FANCI: variants seen among roughly 807,000 people sequenced by gnomAD.
The protein encoded by FANCI is FA complementation group I.
Under a neutral mutation model 176.1 loss-of-function variants are expected in FANCI, and 156 were observed. The ratio of observed to expected loss-of-function variants is 0.89; its 90% CI spans 0.78 to 1.01. FANCI has a LOEUF of 1.01. FANCI is among the 50% of genes least tolerant of loss of function. The pLI, the probability that FANCI is intolerant of heterozygous loss-of-function variation, is 0.00. For missense variants in FANCI, 1,678 were observed against 1,534.1 expected (o/e 1.09, Z -1.57); for synonymous variants, 613 against 541.7 (o/e 1.13, Z -1.83).
chr15:89,256,156 C>G (rs1327629445), intron 2 of FANCI, among the ~76,000 whole-genome samples: 1 of 152,196 alleles, frequency 6.6e-6, no homozygotes, highest in Non-Finnish European at 1.5e-5. Flanking sequence ...TGGCAGTGCT[C>G]ACGTTTTGGC....
intron 24 of FANCI, among the ~76,000 whole-genome samples, chr15:89,295,729 G>A (rs2054235309): frequency 7.6e-6 from 1 of 131,082 alleles, no homozygotes; most frequent in East Asian, 2.1e-4. Flanking sequence ...GCCTTCCCCT[G>A]GCGCCCCCCC....
intron 2 of FANCI, among the ~76,000 whole-genome samples, chr15:89,253,170 T>A (rs2052337001): frequency 6.6e-6 from 1 of 152,090 alleles, no homozygotes; most frequent in Non-Finnish European, 1.5e-5. Context: ...TAGACCCAAC[T>A]ACAAGTAAAA....
chr15:89,247,157 C>G (rs1468191512), intron 1 of FANCI, among the ~76,000 whole-genome samples: 1 of 151,502 alleles, frequency 6.6e-6, no homozygotes, highest in East Asian at 1.9e-4. Context: ...TGCAGCCTCA[C>G]ACTCTTGGGC....
At chr15:89,280,518 C>T (rs2053574928) in intron 14 of FANCI, among the ~76,000 whole-genome samples, 1 of 152,076 alleles carries the variant, frequency 6.6e-6, no homozygotes, top group Non-Finnish European at 1.5e-5. Flanking sequence ...ATATGTAGGC[C>T]TTTCTGGTGC....
At chr15:89,317,257 G>C, downstream of FANCI, 1 of 847,928 alleles carries the variant, frequency 1.2e-6, no homozygotes, top group Non-Finnish European at 2.0e-6. Context: ...AATTAGCCTA[G>C]AATATAGCCT....
intron 9 of FANCI, among the ~76,000 whole-genome samples, chr15:89,266,135 T>G (rs1384781893): frequency 1.3e-5 from 2 of 150,622 alleles, no homozygotes; most frequent in African/African-American, 4.9e-5. Flanking sequence ...TAGCTGGGAC[T>G]ATAGGCACGT....
At chr15:89,260,099 C>T (rs1182896364) in intron 3 of FANCI, among the ~76,000 whole-genome samples, 1 of 152,094 alleles carries the variant, frequency 6.6e-6, no homozygotes, top group Non-Finnish European at 1.5e-5. Flanking sequence ...TTTTTCACAT[C>T]CTCATCAACA....
chr15:89,307,694 C>G, intron 34 of FANCI, 22 bp downstream of exon 34: 3 of 1,614,098 alleles, frequency 1.9e-6, no homozygotes, highest in Non-Finnish European at 2.5e-6. Flanking sequence ...AGAGGCAGTA[C>G]CCAATAGGTC....
intron 14 of FANCI, among the ~76,000 whole-genome samples, chr15:89,280,208 G>A (rs2053564060): frequency 6.6e-6 from 1 of 152,132 alleles, no homozygotes; most frequent in African/African-American, 2.4e-5. Flanking sequence ...TTTTAGTAGG[G>A]ATGGTGTTTC....
chr15:89,269,323 CAAT>C (rs1310711770), intron 10 of FANCI, among the ~76,000 whole-genome samples: 1 of 152,080 alleles, frequency 6.6e-6, no homozygotes, highest in Non-Finnish European at 1.5e-5. Flanking sequence ...AGAAAATTAA[CAAT>C]AATTCCATAA....
Position 89,247,635 on chromosome 15 carries a change from G to A in FANCI, c.-13G>A. ...TGACGTTTTTCCCTTGTAGTTCTGT[G>A]ATATGAGCAACAATGGACCAGAAGA... On this transcript the variant is annotated 5_prime_UTR_variant, in exon 2 of 38. Transcript: ENST00000310775. The A allele has an allele frequency of 1.2e-6, 2 of 1,611,802 alleles. No individual in the cohort carries two copies. Among genetic ancestry groups the A allele is most frequent in the Non-Finnish European group, 1.7e-6 (2 of 1,177,960 alleles).
intron 34 of FANCI, among the ~76,000 whole-genome samples, chr15:89,311,054 G>A (rs540314274): frequency 9.2e-5 from 14 of 152,004 alleles, no homozygotes; most frequent in African/African-American, 2.4e-4. Flanking sequence ...TCAGGAGTTC[G>A]AAACTAGCCC....
intron 18 of FANCI, among the ~76,000 whole-genome samples, chr15:89,287,994 A>G (rs980883209): frequency 3.3e-5 from 5 of 152,248 alleles, no homozygotes; most frequent in Admixed American, 6.5e-5. Context: ...CCAAAATGTG[A>G]CACAGAGACA....
At chr15:89,255,711 C>T (rs368766851) in intron 2 of FANCI, among the ~76,000 whole-genome samples, 29 of 152,188 alleles carry the variant, frequency 1.9e-4, no homozygotes, top group African/African-American at 6.5e-4. Context: ...TAGTTACAGT[C>T]TGCCAATTAA....
rs1304677899 is a variant in FANCI at position 89,258,746 on chromosome 15, G to C, written c.127G>C (p.Ala43Pro). ...GAATCAAGCAGTGAAAGGAAAAGTT[G>C]CTGGAGCACTCCTGAGAGCCATCTT... is the stretch of plus-strand genomic sequence containing the variant. Reference protein sequence around the residue: ...LQNQAVKGKVAGALLRAIFKG... With the variant: ...LQNQAVKGKVPGALLRAIFKG... Residue 43 changes from alanine to proline, a missense_variant, in exon 3 of 38, where the codon GCT becomes CCT. By Grantham distance (27) the Ala-to-Pro change is conservative (BLOSUM62 -1). Around this residue, in one of 3 missense-constraint regions of FANCI, gnomAD observed 469 missense variants for 436.9 expected, o/e 1.07. Transcript: ENST00000310775. The C allele has an allele frequency of 6.2e-7, 1 of 1,613,512 alleles. No homozygotes were observed. Among genetic ancestry groups the C allele is most frequent in the Non-Finnish European group, 8.5e-7 (1 of 1,179,506 alleles).
chr15:89,290,365 T>C, intron 19 of FANCI, 84 bp downstream of exon 19: 1 of 1,063,546 alleles, frequency 9.4e-7, no homozygotes, highest in Non-Finnish European at 1.5e-6. Context: ...TTTCAAAATA[T>C]AAAATAATTC....
rs566528048 is a variant in FANCI, at chr15:89,315,582, C to T, written c.3924+193C>T. On this transcript the variant is annotated intron_variant, in intron 37 of 37. Transcript: ENST00000310775. ...CACACAAAATCCTATGAAGTTGCCC[C>T]GACTTGTTTGATAAACACTTCCAGG... Among the ~76,000 whole-genome samples the T allele has an allele frequency of 3.9e-5, 6 of 152,252 alleles. 1 individual carries two copies. The highest frequency in any genetic ancestry group is 4.2e-4 in the South Asian group (2 of 4,816).
chr15:89,313,085 G>C, intron 35 of FANCI, 113 bp downstream of exon 35: 2 of 1,049,386 alleles, frequency 1.9e-6, no homozygotes, highest in Non-Finnish European at 3.0e-6. Context: ...TTTTCATGAA[G>C]TGCCCAGAAT....
chr15:89,297,631 A>T lies in FANCI; in HGVS notation c.2637-2169A>T, dbSNP rs528191390. Among the ~76,000 whole-genome samples the T allele has an allele frequency of 9.3e-4, 141 of 152,164 alleles. 1 individual carries two copies. Among genetic ancestry groups the T allele is most frequent in the African/African-American group, 3.3e-3 (136 of 41,546 alleles). ...CGAAAACCAGTCAGGTGTGGCGGCA[A>T]TTGCAGGCACTCGGCAGGCTGAGGC... is the stretch of plus-strand genomic sequence containing the variant. On this transcript the variant is annotated intron_variant, in intron 24 of 37. Coordinates refer to ENST00000310775, the MANE Select transcript of FANCI (RefSeq NM_001113378.2).
Sources: allele counts gnomAD v4.1 joint callset (sites outside exome capture counted in the v4.1 genomes callset), GRCh38; gene constraint gnomAD v4.1.1; regional missense constraint gnomAD v4.1.1; transcripts MANE v1.5; gene names NCBI Gene and HGNC (gene_info 2026-07-23, HGNC 2026-07-21).